Variants in TMX3 observed in about 807,000 individuals in gnomAD.
The protein encoded by TMX3 is thioredoxin related transmembrane protein 3, also known as protein disulfide-isomerase TMX3.
Under a neutral mutation model 64.4 loss-of-function variants are expected in TMX3, and 40 were observed. The ratio of observed to expected loss-of-function variants is 0.62; its 90% CI spans 0.48 to 0.81. The LOEUF (loss-of-function observed/expected upper bound fraction) is 0.81. TMX3 is among the 30% of genes least tolerant of loss of function. The pLI is 0.00. For missense variants in TMX3, 497 were observed against 534.5 expected (o/e 0.93, Z 0.69); for synonymous variants, 189 against 175.7 (o/e 1.08, Z -0.60).
chr18:68,674,822 T>C lies in TMX3; in HGVS notation c.*2111A>G, dbSNP rs957210462. 3.9e-5 allele frequency: 6 copies of C among 152,046 alleles called. No individual in the cohort carries two copies. Among genetic ancestry groups the C allele is most frequent in the Non-Finnish European group, 5.9e-5 (4 of 67,958 alleles). 9.4% of individuals were successfully genotyped at this position (152,046 alleles called of 1,614,324 possible). A position where few individuals can be genotyped will look rare whatever the true frequency, so the allele number is the denominator to read the frequency against. ...CATTTTGTTTTCCCAACAGACACACTTTAAAAGCACAAATAGAATATAAGG... is the reference window on the plus strand; with the variant it reads ...CATTTTGTTTTCCCAACAGACACACCTTAAAAGCACAAATAGAATATAAGG... On this transcript the variant is annotated 3_prime_UTR_variant, in exon 16 of 16. Transcript: ENST00000299608.
At chr18:68,691,014 A>G (rs1235675830) in intron 9 of TMX3, 2 of 327,012 alleles carry the variant, frequency 6.1e-6, no homozygotes, top group Non-Finnish European at 1.1e-5. Context: ...TGAACATTTT[A>G]AAGTAATGTA....
rs1368705184 is a variant in TMX3 at position 68,677,127 on chromosome 18, T to C, written c.1171A>G (p.Ile391Val). The C allele has an allele frequency of 3.1e-6, 5 of 1,613,746 alleles. No homozygotes were observed. Among genetic ancestry groups the C allele is most frequent in the Non-Finnish European group, 4.2e-6 (5 of 1,179,734 alleles). Residue 391 changes from isoleucine to valine, a missense_variant, in exon 16 of 16, where the codon ATC becomes GTC. Transcript: ENST00000299608. ...LFGLPLGVISIMCYGIYTADT... is the reference protein window; with the variant it reads ...LFGLPLGVISVMCYGIYTADT... ...GCTGTGTAGATTCCATAGCACATGATACTGATGACACCCAGTGGCAGGCCA... is the reference window on the plus strand; with the variant it reads ...GCTGTGTAGATTCCATAGCACATGACACTGATGACACCCAGTGGCAGGCCA...
chr18:68,684,505 A>T lies in TMX3; in HGVS notation c.737-20T>A, dbSNP rs755925236. 22 of 1,607,002 alleles carry T rather than the reference A, an allele frequency of 1.4e-5. No individual in the cohort carries two copies. The East Asian group carries it at 3.8e-4, about 28-fold the overall frequency. On this transcript the variant is annotated intron_variant, in intron 10 of 15. Coordinates refer to ENST00000299608, the MANE Select transcript of TMX3 (RefSeq NM_019022.5). ...GCTTTCCTGAAATAAAGAATGACAC[A>T]TCTGAATTCAATCACCCTTATTACA...
chr18:68,687,854 C>A (rs991549403), intron 9 of TMX3, 89 bp from the exon 10 acceptor site: 1 of 885,632 alleles, frequency 1.1e-6, no homozygotes, highest in Non-Finnish European at 1.7e-6. Flanking sequence ...GTATAAAACG[C>A]CTGACAGAGA....
At position 68,710,071 on chromosome 18, in the gene TMX3, C is replaced by T. The variant is rs915979236; in HGVS notation, c.215G>A (p.Ser72Asn). ...IWNEVGLEMK[S>N]IGSPVKVGKM... ...TCCAACCTTAACTGGAGAACCAATG[C>T]TTTTCATCTCAAGACCAACTTCATT... Residue 72 changes from serine to asparagine, a missense_variant, in exon 4 of 16, where the codon AGC becomes AAC. By Grantham distance (46) the Ser-to-Asn change is conservative (BLOSUM62 1). Coordinates refer to ENST00000299608, the MANE Select transcript of TMX3 (RefSeq NM_019022.5). 6.2e-7 allele frequency: 1 copy of T among 1,603,458 alleles called. No individual in the cohort carries two copies. Among genetic ancestry groups the T allele is most frequent in the Admixed American group, 1.7e-5 (1 of 58,130 alleles).
At chr18:68,685,907 A>G (rs760423957) in intron 10 of TMX3, among the ~76,000 whole-genome samples, 18 of 152,240 alleles carry the variant, frequency 1.2e-4, no homozygotes, top group Non-Finnish European at 1.8e-4. Flanking sequence ...AGCAAAGAAA[A>G]AAGTATGTAA....
At chr18:68,690,914 G>T (rs1914459775) in intron 9 of TMX3, 1 of 189,268 alleles carries the variant, frequency 5.3e-6, no homozygotes, top group Non-Finnish European at 1.1e-5. Context: ...CATTAGGGAG[G>T]GATACACAGG....
chr18:68,676,921 A>G lies in TMX3; in HGVS notation c.*12T>C, dbSNP rs776200941. 6.9e-6 allele frequency: 11 copies of G among 1,602,524 alleles called. No individual in the cohort carries two copies. Among genetic ancestry groups the G allele is most frequent in the Non-Finnish European group, 9.4e-6 (11 of 1,176,232 alleles). ...TTTGAAGTCCTAACAAATATTTTATAGTCATCAAGTCTCAATCTTTCTTCT... is the reference window on the plus strand; with the variant it reads ...TTTGAAGTCCTAACAAATATTTTATGGTCATCAAGTCTCAATCTTTCTTCT... On this transcript the variant is annotated 3_prime_UTR_variant, in exon 16 of 16. Coordinates refer to ENST00000299608, the MANE Select transcript of TMX3 (RefSeq NM_019022.5).
In TMX3 at chr18:68,679,551, A is replaced by G; in HGVS notation, c.1036-20T>C. The G allele has an allele frequency of 6.2e-7, 1 of 1,602,782 alleles. No individual in the cohort carries two copies. On this transcript the variant is annotated intron_variant, in intron 14 of 15. Coordinates refer to ENST00000299608, the MANE Select transcript of TMX3 (RefSeq NM_019022.5). ...TTGGGCCTTCAAAAAAGGAAAAGAA[A>G]AATAAATTATTTAAGCACCATTACT...
intron 12 of TMX3, among the ~76,000 whole-genome samples, chr18:68,683,339 C>T: frequency 6.6e-6 from 1 of 152,014 alleles, no homozygotes; most frequent in East Asian, 1.9e-4. Context: ...ACGCTACATA[C>T]TATGTAAGAA....
At chr18:68,679,024 G>T (rs1485937286) in intron 15 of TMX3, among the ~76,000 whole-genome samples, 2 of 151,986 alleles carry the variant, frequency 1.3e-5, no homozygotes, top group African/African-American at 4.8e-5. Context: ...GTTTAAAATT[G>T]TAAGATCTAA....
Position 68,679,499 on chromosome 18 carries a change from C to A in TMX3, c.1068G>T (p.Leu356Phe). Residue 356 changes from leucine to phenylalanine, a missense_variant, in exon 15 of 16, where the codon TTG (leucine) becomes TTT (phenylalanine). Around this residue, in one of 3 missense-constraint regions of TMX3, gnomAD observed 43 missense variants for 75.3 expected, o/e 0.57. Transcript: ENST00000299608. ...AQGGDSILQR[L>F]KRIVFDAKST... ...ATTTGGCATCAAATACTATTCTTTT[C>A]AATCTCTGCAAAATGCTATCACCTC... 1 of 1,612,268 alleles carries A rather than the reference C, an allele frequency of 6.2e-7. No individual in the cohort carries two copies. Among genetic ancestry groups the A allele is most frequent in the South Asian group, 1.1e-5 (1 of 90,842 alleles).
chr18:68,707,569 C>T (rs1170311036), intron 4 of TMX3, among the ~76,000 whole-genome samples: 1 of 152,082 alleles, frequency 6.6e-6, no homozygotes, highest in Non-Finnish European at 1.5e-5. Flanking sequence ...AACACTTTAC[C>T]ACTAAGACTT....
At chr18:68,697,158 AG>A (rs1915173520) in intron 8 of TMX3, 67 bp downstream of exon 8, 2 of 796,966 alleles carry the variant, frequency 2.5e-6, no homozygotes, top group Admixed American at 2.9e-5. Context: ...ATCACAATTT[AG>A]TTTATTAAAT....
intron 2 of TMX3, among the ~76,000 whole-genome samples, chr18:68,712,288 C>G (rs1045029252): frequency 6.6e-6 from 1 of 152,148 alleles, no homozygotes; most frequent in African/African-American, 2.4e-5. Context: ...TGAGAATATC[C>G]TGGCCCACTG....
At chr18:68,707,870 G>A (rs578260311) in intron 4 of TMX3, among the ~76,000 whole-genome samples, 4 of 152,084 alleles carry the variant, frequency 2.6e-5, no homozygotes, top group South Asian at 2.1e-4. Context: ...ATGAATAAGC[G>A]CATCTATGAA....
chr18:68,713,153 T>TG lies in TMX3; in HGVS notation c.101+692dup, dbSNP rs554068365. On this transcript the variant is annotated intron_variant, in intron 2 of 15. Transcript: ENST00000299608. ...TGAACAAAAGTCTTCTGTCTCTTTA[T>TG]GGGGGGTGAGAGAGAAAAGGACTAG... Among the ~76,000 whole-genome samples, 409 of 152,198 alleles carry TG rather than the reference T, an allele frequency of 2.7e-3. 1 individual carries two copies. Among genetic ancestry groups the TG allele is most frequent in the African/African-American group, 9.6e-3 (398 of 41,504 alleles).
At position 68,700,403 on chromosome 18, in the gene TMX3, A is replaced by G; in HGVS notation, c.392+2T>C. 2.6e-6 allele frequency: 4 copies of G among 1,558,502 alleles called. No homozygotes were observed. Among genetic ancestry groups the G allele is most frequent in the Non-Finnish European group, 3.5e-6 (4 of 1,153,384 alleles). On this transcript the variant is annotated splice_donor_variant, in intron 6 of 15. Coordinates refer to ENST00000299608, the MANE Select transcript of TMX3 (RefSeq NM_019022.5). LOFTEE classifies it high-confidence loss of function. ...CAGTAAAGGCCTTTCCTAATAACTT[A>G]CCCAGATACTCTGTGAGCAAACTCA...
chr18:68,705,081 C>G (rs2030529513), intron 4 of TMX3, among the ~76,000 whole-genome samples: 1 of 152,050 alleles, frequency 6.6e-6, no homozygotes, highest in African/African-American at 2.4e-5. Flanking sequence ...GGTTTACCAT[C>G]AACTGAAGAC....
Sources: gnomAD v4.1 joint callset for allele counts (sites outside exome capture counted in the v4.1 genomes callset) on GRCh38, gnomAD v4.1.1 for gene constraint, gnomAD v4.1.1 regional missense constraint, MANE v1.5 for transcripts, NCBI Gene and HGNC (gene_info 2026-07-23, HGNC 2026-07-21) for gene names.